The following PIP4K2B variants were observed in gnomAD, a reference collection of about 807,000 sequenced individuals.
PIP4K2B encodes the protein phosphatidylinositol 5-phosphate 4-kinase type-2 beta.
A neutral mutation model predicts 42.0 loss-of-function variants in PIP4K2B; 3 were observed. The ratio of observed to expected loss-of-function variants is 0.07; its 90% CI spans 0.03 to 0.18. PIP4K2B has a LOEUF of 0.18. Among genes scored for constraint, PIP4K2B ranks in the 10% least tolerant of loss-of-function variants. The pLI is 1.00. For missense variants in PIP4K2B, 332 were observed against 562.3 expected, an observed-to-expected ratio of 0.59 and a Z score of 4.14; for synonymous variants, 204 against 210.1, an observed-to-expected ratio of 0.97 and a Z score of 0.25.
intron 3 of PIP4K2B, among the ~76,000 whole-genome samples, chr17:38,783,433 G>T (rs1909821333): frequency 6.6e-6 from 1 of 152,150 alleles, no homozygotes; most frequent in Admixed American, 6.6e-5. Context: ...CCTGAAGGGG[G>T]CAGTTGCCCT....
chr17:38,769,433 G>C lies in PIP4K2B; in HGVS notation c.*258C>G, dbSNP rs138243731. 1.1e-3 allele frequency: 540 copies of C among 490,482 alleles called. 9 individuals carry two copies. The East Asian group carries it at 0.015, about 14-fold the overall frequency. The allele number at this position is 490,482 out of a possible 1,614,324, so 30.4% of individuals were successfully genotyped here. On this transcript the variant is annotated 3_prime_UTR_variant, in exon 10 of 10. Coordinates refer to ENST00000619039, the MANE Select transcript of PIP4K2B (RefSeq NM_003559.5). ...AAAAAGGGAACCCCTTTTTAACCTGGGTGTCAAATGGGGAGAAAAAATCAA... is the reference window on the plus strand; with the variant it reads ...AAAAAGGGAACCCCTTTTTAACCTGCGTGTCAAATGGGGAGAAAAAATCAA...
chr17:38,785,837 G>C (rs1240773615), intron 2 of PIP4K2B, among the ~76,000 whole-genome samples: 1 of 152,186 alleles, frequency 6.6e-6, no homozygotes, highest in Non-Finnish European at 1.5e-5. Context: ...AGGGGGTAGT[G>C]GTGCAATGCC....
At chr17:38,784,506 G>A (rs1047431761) in intron 2 of PIP4K2B, among the ~76,000 whole-genome samples, 167 bp from the exon 3 acceptor site, 1 of 152,092 alleles carries the variant, frequency 6.6e-6, no homozygotes, top group Non-Finnish European at 1.5e-5. Flanking sequence ...AAAGTGCTGG[G>A]ATTACGGGCA....
chr17:38,770,231 G>A (rs559648062), intron 9 of PIP4K2B, among the ~76,000 whole-genome samples: 35 of 152,328 alleles, frequency 2.3e-4, no homozygotes, highest in African/African-American at 8.4e-4. Context: ...AACAAATTGG[G>A]CCCAGCCTGG....
At chr17:38,789,106 T>A (rs1405733598) in intron 1 of PIP4K2B, among the ~76,000 whole-genome samples, 2 of 152,024 alleles carry the variant, frequency 1.3e-5, no homozygotes, top group African/African-American at 2.4e-5. Context: ...TGGGCAAGAG[T>A]GAGATCTTGT....
chr17:38,771,673 A>G (rs1909052466), intron 7 of PIP4K2B, among the ~76,000 whole-genome samples: 1 of 152,050 alleles, frequency 6.6e-6, no homozygotes, highest in Non-Finnish European at 1.5e-5. Context: ...CAAGTACTGC[A>G]GGTTAAAGAT....
At chr17:38,770,321 A>C in intron 9 of PIP4K2B, 115 bp downstream of exon 9, 1 of 701,958 alleles carries the variant, frequency 1.4e-6, no homozygotes, top group South Asian at 1.7e-5. Flanking sequence ...GGGAAGAAGG[A>C]GACAGGAGTG....
intron 7 of PIP4K2B, among the ~76,000 whole-genome samples, chr17:38,774,806 T>G (rs1909238839): frequency 6.6e-6 from 1 of 152,042 alleles, no homozygotes; most frequent in South Asian, 2.1e-4. Context: ...AATAAATATC[T>G]TGGTATAAAG....
chr17:38,786,794 A>G (rs2143437185), intron 2 of PIP4K2B, 29 bp downstream of exon 2: 3 of 1,439,958 alleles, frequency 2.1e-6, no homozygotes, highest in East Asian at 2.3e-5. Context: ...CTGCCCACAA[A>G]ACCTGAGTCC....
chr17:38,795,488 C>T (rs1038048224), intron 1 of PIP4K2B, among the ~76,000 whole-genome samples: 3 of 152,298 alleles, frequency 2.0e-5, no homozygotes, highest in South Asian at 2.1e-4. Flanking sequence ...CAGTGGCTCA[C>T]ACCTGTAATC....
At chr17:38,777,618 AAGGTTTAAGAGGCGCCTACTCT>A in intron 7 of PIP4K2B, 47 bp downstream of exon 7, 2 of 997,604 alleles carry the variant, frequency 2.0e-6, no homozygotes, top group South Asian at 2.6e-5. Context: ...CATTCTTCTT[AAGGTTTAAGAGGCGCCTACTCT>A]AGGTACAGAA....
At chr17:38,793,641 T>C (rs1358451984) in intron 1 of PIP4K2B, among the ~76,000 whole-genome samples, 1 of 152,002 alleles carries the variant, frequency 6.6e-6, no homozygotes. Context: ...AAGACCGAGG[T>C]GGGCAAATCG....
Position 38,799,210 on chromosome 17 carries a change from AGGGGGCGTGGGAGCGCGCGGGGCC to A in PIP4K2B, c.159+32_159+55del. ...CTGCGGGGCAAGGGCCCAGGGCTGCAGGGGGCGTGGGAGCGCGCGGGGCCGCGCTCAGAGGGGCGCGCAGGAGCT... is the reference window on the plus strand; with the variant it reads ...CTGCGGGGCAAGGGCCCAGGGCTGCAGCGCTCAGAGGGGCGCGCAGGAGCT... On this transcript the variant is annotated intron_variant, in intron 1 of 9. Transcript: ENST00000619039. This position sits in a 1 kb window ranked among gnomAD's most constrained non-coding sequence, Gnocchi z 4.4. 4.0e-6 allele frequency: 6 copies of A among 1,513,478 alleles called. No individual in the cohort carries two copies. The highest frequency in any genetic ancestry group is 5.3e-6 in the Non-Finnish European group (6 of 1,137,200). 93.8% of individuals were successfully genotyped at this position (1,513,478 alleles called of 1,614,324 possible). A position where few individuals can be genotyped will look rare whatever the true frequency, so the allele number is the denominator to read the frequency against.
intron 7 of PIP4K2B, among the ~76,000 whole-genome samples, chr17:38,777,122 T>C (rs543811146): frequency 2.0e-5 from 3 of 152,300 alleles, no homozygotes; most frequent in East Asian, 3.9e-4. Context: ...TGGAGTGTAG[T>C]GGTGAGACCA....
At chr17:38,786,745 T>C (rs568722798) in intron 2 of PIP4K2B, 78 bp downstream of exon 2, 9 of 903,618 alleles carry the variant, frequency 1.0e-5, no homozygotes, top group Non-Finnish European at 1.7e-5. Flanking sequence ...GCTCCCACCA[T>C]GCATGAGGCT....
intron 8 of PIP4K2B, 96 bp downstream of exon 8, chr17:38,770,918 G>T: frequency 7.3e-7 from 1 of 1,374,262 alleles, no homozygotes; most frequent in Non-Finnish European, 1.0e-6. Flanking sequence ...AATGAATGAG[G>T]TGGAGGTCCA....
intron 1 of PIP4K2B, among the ~76,000 whole-genome samples, chr17:38,792,004 G>A (rs1450383119): frequency 1.3e-5 from 2 of 151,920 alleles, no homozygotes; most frequent in African/African-American, 4.8e-5. Flanking sequence ...GCTGAGGCAG[G>A]AGAATGGCGT....
chr17:38,770,691 G>A, intron 8 of PIP4K2B, 152 bp from the exon 9 acceptor site: 1 of 649,120 alleles, frequency 1.5e-6, no homozygotes, highest in South Asian at 1.8e-5. Flanking sequence ...CTTTCCAGCT[G>A]TCATAGCTCT....
chr17:38,770,866 C>A (rs774984079), intron 8 of PIP4K2B, 148 bp downstream of exon 8: 46 of 857,806 alleles, frequency 5.4e-5, no homozygotes, highest in Admixed American at 1.3e-4. Flanking sequence ...CAGGTGGTGA[C>A]CCTGGATGGG....
Sources: allele counts gnomAD v4.1 joint callset (sites outside exome capture counted in the v4.1 genomes callset), GRCh38; gene constraint gnomAD v4.1.1; non-coding constraint Gnocchi (gnomAD v3.1); transcripts MANE v1.5; gene names NCBI Gene and HGNC (gene_info 2026-07-23, HGNC 2026-07-21).